Variants in RBFOX1 observed in about 807,000 individuals in gnomAD.
The protein encoded by RBFOX1 is RNA binding protein fox-1 homolog 1.
Under a neutral mutation model 57.7 loss-of-function variants are expected in RBFOX1, and 8 were observed. The observed-to-expected ratio is 0.14, with a 90% CI of 0.08 to 0.25. RBFOX1 has a LOEUF of 0.25. Ranked by LOEUF, RBFOX1 falls within the 10% of genes least tolerant of loss-of-function variation. The probability of loss-of-function intolerance (pLI) is 1.00; values close to 1 mark genes in which losing one functional copy is unlikely to be tolerated. For synonymous variants in RBFOX1, 326 were observed against 222.4 expected (o/e 1.47, Z -4.15); for missense variants, 611 against 548.5 (o/e 1.11, Z -1.14).
intron 2 of RBFOX1, among the ~76,000 whole-genome samples, chr16:6,476,652 G>C (rs115344161): frequency 1.4e-4 from 22 of 152,250 alleles, no homozygotes; most frequent in Non-Finnish European, 7.4e-5. Context: ...GCTTTGTACT[G>C]GTCAGGGTGG....
chr16:6,454,046 T>C (rs544327247), intron 2 of RBFOX1, among the ~76,000 whole-genome samples: 9 of 152,324 alleles, frequency 5.9e-5, no homozygotes, highest in African/African-American at 2.2e-4. Flanking sequence ...GGTTTTCACA[T>C]GGTCTTTCTG....
chr16:6,686,474 C>G (rs8059039), intron 3 of RBFOX1, among the ~76,000 whole-genome samples: 1 of 152,096 alleles, frequency 6.6e-6, no homozygotes, highest in African/African-American at 2.4e-5. Flanking sequence ...ATAATTTAAG[C>G]ACTACGTGGT....
intron 4 of RBFOX1, among the ~76,000 whole-genome samples, chr16:5,994,256 G>C (rs1029706710): frequency 6.6e-6 from 1 of 152,142 alleles, no homozygotes; most frequent in East Asian, 1.9e-4. Flanking sequence ...CTGCCTCCTG[G>C]GTTTAAGCAA....
chr16:6,309,615 C>G (rs546339169), intron 1 of RBFOX1, among the ~76,000 whole-genome samples: 1 of 151,536 alleles, frequency 6.6e-6, no homozygotes, highest in African/African-American at 2.4e-5. Flanking sequence ...CCTGTAAGGC[C>G]AAGACAGGAA....
intron 2 of RBFOX1, among the ~76,000 whole-genome samples, chr16:6,572,927 C>T (rs1274735120): frequency 2.0e-5 from 3 of 152,084 alleles, no homozygotes; most frequent in Non-Finnish European, 4.4e-5. Flanking sequence ...CTACTTTGTT[C>T]CCAAGAGTGC....
At chr16:6,486,694 A>G (rs1644764682) in intron 2 of RBFOX1, among the ~76,000 whole-genome samples, 1 of 148,786 alleles carries the variant, frequency 6.7e-6, no homozygotes, top group Non-Finnish European at 1.5e-5. Context: ...TTACTTTGTT[A>G]TGGATCCAAA....
intron 4 of RBFOX1, among the ~76,000 whole-genome samples, chr16:7,394,784 G>C (rs1442835056): frequency 6.6e-6 from 1 of 152,074 alleles, no homozygotes; most frequent in Non-Finnish European, 1.5e-5. Flanking sequence ...TTTTTTCCTG[G>C]TATAAATGAT....
intron 3 of RBFOX1, among the ~76,000 whole-genome samples, chr16:5,863,212 A>G (rs1205917583): frequency 6.6e-6 from 1 of 152,218 alleles, no homozygotes; most frequent in Non-Finnish European, 1.5e-5. Flanking sequence ...GCGATTTCAA[A>G]CACATGCAGA....
chr16:5,974,830 G>T (rs1261131715), intron 4 of RBFOX1, among the ~76,000 whole-genome samples: 4 of 151,958 alleles, frequency 2.6e-5, no homozygotes, highest in African/African-American at 9.7e-5. Flanking sequence ...CCAACATGGA[G>T]AAACCCTGTC....
At chr16:6,642,327 T>C (rs2098498529) in intron 2 of RBFOX1, among the ~76,000 whole-genome samples, 1 of 152,212 alleles carries the variant, frequency 6.6e-6, no homozygotes, top group African/African-American at 2.4e-5. Flanking sequence ...TGTGGGTAAT[T>C]ACTTTTACAG....
At chr16:5,936,495 A>C (rs956834243) in intron 4 of RBFOX1, among the ~76,000 whole-genome samples, 1 of 152,204 alleles carries the variant, frequency 6.6e-6, no homozygotes, top group South Asian at 2.1e-4. Flanking sequence ...TGTGTGAGCC[A>C]AGTTAATGAA....
intron 3 of RBFOX1, among the ~76,000 whole-genome samples, chr16:5,636,645 T>C (rs1041537734): frequency 7.9e-5 from 12 of 152,154 alleles, no homozygotes; most frequent in Non-Finnish European, 1.6e-4. Context: ...ACTTTCGTAC[T>C]CGTAGGAATA....
intron 3 of RBFOX1, among the ~76,000 whole-genome samples, chr16:6,717,849 G>A (rs1297578843): frequency 2.0e-5 from 3 of 152,118 alleles, no homozygotes; most frequent in Non-Finnish European, 4.4e-5. Context: ...GGTGTTTCGT[G>A]GGATACCCCC....
At chr16:6,651,408 A>T (rs962611302) in intron 2 of RBFOX1, among the ~76,000 whole-genome samples, 1 of 152,066 alleles carries the variant, frequency 6.6e-6, no homozygotes, top group Non-Finnish European at 1.5e-5. Context: ...CTACACCCTT[A>T]TCCATCCACC....
At chr16:5,746,792 A>G (rs978140256) in intron 3 of RBFOX1, among the ~76,000 whole-genome samples, 1 of 152,184 alleles carries the variant, frequency 6.6e-6, no homozygotes, top group Non-Finnish European at 1.5e-5. Flanking sequence ...TTGATTTTGT[A>G]TCCTGAGACT....
At chr16:5,375,270 G>A (rs1020800339) in intron 1 of RBFOX1, among the ~76,000 whole-genome samples, 6 of 152,116 alleles carry the variant, frequency 3.9e-5, no homozygotes, top group African/African-American at 1.4e-4. Flanking sequence ...CATGGAAGCT[G>A]TTTTCCAGGG....
chr16:5,379,989 G>C (rs1370549156), intron 1 of RBFOX1, among the ~76,000 whole-genome samples: 2 of 152,182 alleles, frequency 1.3e-5, no homozygotes, highest in East Asian at 3.9e-4. Context: ...TGTGAACCTG[G>C]GAGCCTGGGC....
rs111290558 is a variant in RBFOX1, at chr16:5,483,670, C to T, written c.258+16416C>T. On this transcript the variant is annotated intron_variant, in intron 2 of 2. Coordinates refer to the RBFOX1 transcript ENST00000585867. The stretch of plus-strand genomic sequence containing the variant: ...CGGGATTGCAGCTGAAATTCGCCTT[C>T]TGATCTGCTGATAAAGCAAAGCACT... Among the ~76,000 whole-genome samples the T allele has an allele frequency of 7.4e-3, 1,129 of 152,312 alleles. 13 individuals are homozygous for T. The highest frequency in any genetic ancestry group is 0.025 in the African/African-American group (1,054 of 41,572).
chr16:6,632,083 G>T (rs1009531463), intron 2 of RBFOX1, among the ~76,000 whole-genome samples: 2 of 152,122 alleles, frequency 1.3e-5, no homozygotes, highest in East Asian at 3.9e-4. Context: ...CTGGAAGGAG[G>T]TGCTGGGTTT....
Sources: gnomAD v4.1 joint callset for allele counts (sites outside exome capture counted in the v4.1 genomes callset) on GRCh38, gnomAD v4.1.1 for gene constraint, MANE v1.5 for transcripts, NCBI Gene and HGNC (gene_info 2026-07-23, HGNC 2026-07-21) for gene names.